Variants in XPO4 observed in about 807,000 individuals in gnomAD.
XPO4 encodes exportin-4.
In XPO4, 39 loss-of-function variants were observed where a neutral mutation model predicts 143.0. That is an observed-to-expected ratio of 0.27 (90% confidence interval 0.21 to 0.36). The LOEUF (loss-of-function observed/expected upper bound fraction) is 0.36. XPO4 is among the 10% of genes least tolerant of loss of function. The probability of loss-of-function intolerance (pLI) is 1.00; values close to 1 mark genes in which losing one functional copy is unlikely to be tolerated. For synonymous variants in XPO4, 439 were observed against 474.0 expected (o/e 0.93, Z 0.96); for missense variants, 907 against 1,348.0 (o/e 0.67, Z 5.12).
rs75375805 is a variant in XPO4 at position 20,841,679 on chromosome 13, C to T, written c.727+1216G>A. ...GCCCTTCACAGTTAATATTCTACTA[C>T]GTGAATAGACTAAGTTTAAATGGAA... On this transcript the variant is annotated intron_variant, in intron 6 of 22. Coordinates refer to ENST00000255305, the MANE Select transcript of XPO4 (RefSeq NM_022459.5). Among the ~76,000 whole-genome samples the T allele has an allele frequency of 9.2e-3, 1,399 of 152,032 alleles. 27 individuals carry two copies. Among genetic ancestry groups the T allele is most frequent in the African/African-American group, 0.032 (1,331 of 41,478 alleles).
chr13:20,860,242 T>C (rs2060184718), intron 3 of XPO4, among the ~76,000 whole-genome samples: 1 of 152,236 alleles, frequency 6.6e-6, no homozygotes, highest in Non-Finnish European at 1.5e-5. Context: ...CAGAAAACGC[T>C]AACATTTTAG....
chr13:20,831,746 C>T (rs1338684758), intron 6 of XPO4, among the ~76,000 whole-genome samples: 2 of 150,456 alleles, frequency 1.3e-5, no homozygotes, highest in Non-Finnish European at 3.0e-5. Context: ...TCTAATCTTA[C>T]TTTACCTTCC....
At chr13:20,859,382 C>T (rs932975555) in intron 3 of XPO4, among the ~76,000 whole-genome samples, 3 of 152,104 alleles carry the variant, frequency 2.0e-5, no homozygotes, top group East Asian at 1.9e-4. Context: ...AGGCGGATCA[C>T]GAGGTCAGGA....
intron 6 of XPO4, among the ~76,000 whole-genome samples, chr13:20,833,065 C>T (rs752122590): frequency 6.6e-6 from 1 of 152,154 alleles, no homozygotes; most frequent in Non-Finnish European, 1.5e-5. Context: ...ATGATATTGT[C>T]ATTTATGATT....
intron 4 of XPO4, chr13:20,852,052 G>A (rs1595131635): frequency 3.0e-6 from 3 of 985,240 alleles, no homozygotes; most frequent in Non-Finnish European, 2.4e-6. Flanking sequence ...TTGACCCTTC[G>A]CCTGCGCCGT....
intron 2 of XPO4, chr13:20,866,168 T>C: frequency 1.0e-6 from 1 of 985,308 alleles, no homozygotes; most frequent in Non-Finnish European, 1.2e-6. Context: ...TGCCAAAGAC[T>C]TCTGAAGTGA....
At chr13:20,833,437 T>C (rs1319921064) in intron 6 of XPO4, among the ~76,000 whole-genome samples, 1 of 152,238 alleles carries the variant, frequency 6.6e-6, no homozygotes, top group Non-Finnish European at 1.5e-5. Context: ...CATATTTGCA[T>C]GTAACTTATA....
Position 20,822,125 on chromosome 13 carries a change from T to C in XPO4, c.998+7A>G, listed in dbSNP as rs377524209. ...CTTTTTCAGCTGCAAAGGGCAAGTA[T>C]ACCTACCCATTGATAGTATTCAGTA... On this transcript the variant is annotated splice_region_variant and intron_variant, in intron 8 of 22. Transcript: ENST00000255305. 5.6e-6 allele frequency: 9 copies of C among 1,607,568 alleles called. No homozygotes were observed. In the African/African-American group the frequency reaches 6.7e-5, roughly 12 times the overall value.
At chr13:20,834,874 C>A (rs980130678) in intron 6 of XPO4, among the ~76,000 whole-genome samples, 5 of 152,042 alleles carry the variant, frequency 3.3e-5, no homozygotes, top group African/African-American at 1.2e-4. Flanking sequence ...GGCAGGAGGA[C>A]CACTTGAACT....
rs1389963548 is a variant in XPO4 at position 20,781,968 on chromosome 13, T to C, written c.*1754A>G. On this transcript the variant is annotated 3_prime_UTR_variant, in exon 23 of 23. Coordinates refer to ENST00000255305, the MANE Select transcript of XPO4 (RefSeq NM_022459.5). ...AACGTGTACTTCTGGATGACTGATA[T>C]TAATTTCCTTCCTAGCAGTCTTTTC... is the stretch of plus-strand genomic sequence containing the variant. 1 of 152,246 alleles carries C rather than the reference T, an allele frequency of 6.6e-6. No individual in the cohort carries two copies. Among genetic ancestry groups the C allele is most frequent in the African/African-American group, 2.4e-5 (1 of 41,470 alleles). 9.4% of individuals were successfully genotyped at this position (152,246 alleles called of 1,614,324 possible).
chr13:20,882,518 G>T (rs2060422258), intron 1 of XPO4, among the ~76,000 whole-genome samples: 1 of 152,066 alleles, frequency 6.6e-6, no homozygotes, highest in Admixed American at 6.5e-5. Context: ...CTCCTACTAG[G>T]CCCACCTCCA....
intron 2 of XPO4, 148 bp from the exon 3 acceptor site, chr13:20,863,006 C>A: frequency 7.0e-7 from 1 of 1,437,958 alleles, no homozygotes; most frequent in Non-Finnish European, 9.1e-7. Flanking sequence ...GCTCTAGCAC[C>A]ACAAAGAGGT....
chr13:20,853,041 G>C (rs1308600575), intron 4 of XPO4: 1 of 985,120 alleles, frequency 1.0e-6, no homozygotes, highest in Non-Finnish European at 1.2e-6. Flanking sequence ...AGTAAAAATA[G>C]CTTCCCATGG....
chr13:20,796,041 C>A (rs890974446), intron 18 of XPO4, 35 bp downstream of exon 18: 4 of 1,562,216 alleles, frequency 2.6e-6, no homozygotes, highest in South Asian at 1.2e-5. Flanking sequence ...AGGAGGATAA[C>A]AACAAAGTTT....
intron 1 of XPO4, 100 bp from the exon 2 acceptor site, chr13:20,868,801 G>A (rs898317919): frequency 1.9e-6 from 2 of 1,067,418 alleles, no homozygotes; most frequent in East Asian, 2.6e-5. Flanking sequence ...CTTCACTTTT[G>A]GGGGGCAAGA....
chr13:20,862,695 C>T, intron 3 of XPO4, 22 bp downstream of exon 3: 1 of 1,613,024 alleles, frequency 6.2e-7, no homozygotes, highest in Non-Finnish European at 8.5e-7. Context: ...AGTATTTCAG[C>T]AGTCCCCCTC....
In XPO4 at chr13:20,778,381, T is replaced by C. The variant is rs890090320; in HGVS notation, c.*5341A>G. 2.0e-5 allele frequency: 3 copies of C among 152,282 alleles called. No individual in the cohort carries two copies. Among genetic ancestry groups the C allele is most frequent in the East Asian group, 1.9e-4 (1 of 5,196 alleles). The allele number at this position is 152,282 out of a possible 1,614,324, so 9.4% of individuals were successfully genotyped here. A position where few individuals can be genotyped will look rare whatever the true frequency, so the allele number is the denominator to read the frequency against. ...GCAAATTCAGGTTAAAAATGAACATTTTAAAGATGCATTTTCTTTAAAAAT... is the reference window on the plus strand; with the variant it reads ...GCAAATTCAGGTTAAAAATGAACATCTTAAAGATGCATTTTCTTTAAAAAT... On this transcript the variant is annotated 3_prime_UTR_variant, in exon 23 of 23. Coordinates refer to ENST00000255305, the MANE Select transcript of XPO4 (RefSeq NM_022459.5).
At chr13:20,902,528 A>G (rs1304616083) in intron 1 of XPO4, 142 bp downstream of exon 1, 3 of 1,327,738 alleles carry the variant, frequency 2.3e-6, no homozygotes, top group Admixed American at 3.9e-5. Context: ...ATCCTGCGCC[A>G]CGCCACCGCC....
intron 20 of XPO4, among the ~76,000 whole-genome samples, chr13:20,787,825 G>A (rs2059226327): frequency 6.6e-6 from 1 of 152,100 alleles, no homozygotes; most frequent in African/African-American, 2.4e-5. Flanking sequence ...TGTATAGCTT[G>A]TTTCAGTTTA....
Sources: gnomAD v4.1 joint callset for allele counts (sites outside exome capture counted in the v4.1 genomes callset) on GRCh38, gnomAD v4.1.1 for gene constraint, MANE v1.5 for transcripts, NCBI Gene and HGNC (gene_info 2026-07-23, HGNC 2026-07-21) for gene names.